The following ISLR variants were observed in gnomAD, a reference collection of about 807,000 sequenced individuals.
ISLR encodes immunoglobulin superfamily containing leucine-rich repeat protein.
ISLR carries 9 observed loss-of-function variants against 11.0 expected under a neutral mutation model. The observed-to-expected ratio is 0.82, with a 90% CI of 0.49 to 1.43. The LOEUF (loss-of-function observed/expected upper bound fraction) is 1.43. Among genes scored for constraint, ISLR ranks in the 40% most tolerant of loss-of-function variants. The pLI is 0.00. For missense variants in ISLR, 510 were observed against 576.4 expected, an observed-to-expected ratio of 0.88 and a Z score of 1.18; for synonymous variants, 262 against 264.1, an observed-to-expected ratio of 0.99 and a Z score of 0.08.
In ISLR at chr15:74,175,627, T is replaced by C; in HGVS notation, c.769T>C (p.Cys257Arg). ...GCCTGGTTTTGTGCTGGCACTGCACTGTGATGTGGACGGGCAGCCGGCCCC... is the reference window on the plus strand; with the variant it reads ...GCCTGGTTTTGTGCTGGCACTGCACCGTGATGTGGACGGGCAGCCGGCCCC... Reference protein sequence around the residue: ...LRPGFVLALHCDVDGQPAPQL... With the variant: ...LRPGFVLALHRDVDGQPAPQL... Residue 257 changes from cysteine to arginine, a missense_variant, in exon 2 of 2, where the codon TGT (cysteine) becomes CGT (arginine). By Grantham distance (180) the Cys-to-Arg change is radical. Transcript: ENST00000249842. This position sits in a 1 kb window ranked among gnomAD's most constrained non-coding sequence, Gnocchi z 4.7. 2 of 1,614,060 alleles carry C rather than the reference T, an allele frequency of 1.2e-6. No homozygotes were observed. The highest frequency in any genetic ancestry group is 1.7e-6 in the Non-Finnish European group (2 of 1,180,032).
rs1304170567 is a variant in ISLR, at chr15:74,175,983, G to T, written c.1125G>T (p.Glu375Asp). ...EGKGCYTVDNEVQPSGPEDNV... is the reference protein window; with the variant it reads ...EGKGCYTVDNDVQPSGPEDNV... ...AGGGCTGCTATACGGTTGACAACGA[G>T]GTGCAGCCATCAGGGCCGGAGGACA... The change falls in exon 2 of 2, where the codon GAG becomes GAT. Residue 375 changes from glutamate (E) to aspartate (D), a missense_variant. Physicochemically the swap from Glu to Asp is conservative, Grantham distance 45 (BLOSUM62 2). Coordinates refer to ENST00000249842, the MANE Select transcript of ISLR (RefSeq NM_005545.4). This position sits in a 1 kb window ranked among gnomAD's most constrained non-coding sequence, Gnocchi z 4.7. 62 of 1,612,018 alleles carry T rather than the reference G, an allele frequency of 3.8e-5. No individual in the cohort carries two copies. Among genetic ancestry groups the T allele is most frequent in the Non-Finnish European group, 5.3e-5 (62 of 1,178,624 alleles).
rs2072787931 is a variant in ISLR, at chr15:74,175,739, G to A, written c.881G>A (p.Gly294Asp). 1.9e-6 allele frequency: 3 copies of A among 1,613,882 alleles called. No homozygotes were observed. The highest frequency in any genetic ancestry group is 2.2e-5 in the East Asian group (1 of 44,864). ...NVGTDGRALP[G>D]TPVASSQPRF... ...GGCACTGATGGGCGTGCCCTGCCTG[G>A]CACCCCTGTGGCCAGCTCCCAGCCG... Residue 294 changes from glycine (G) to aspartate (D), a missense_variant, in exon 2 of 2, where the codon GGC (glycine) becomes GAC (aspartate). Physicochemically the swap from Gly to Asp is moderately conservative, Grantham distance 94 (BLOSUM62 -1). Coordinates refer to ENST00000249842, the MANE Select transcript of ISLR (RefSeq NM_005545.4). The surrounding 1 kb of genome is among the most constrained non-coding windows in gnomAD (Gnocchi z 4.7).
rs755933437 is a variant in ISLR, at chr15:74,175,436, C to A, written c.578C>A (p.Thr193Lys). ...DCTCGIVWLK[T>K]WALTTAVSIP... ...ACCTGCGGCATCGTGTGGCTCAAGACATGGGCCCTGACCACGGCCGTGTCC... is the reference window on the plus strand; with the variant it reads ...ACCTGCGGCATCGTGTGGCTCAAGAAATGGGCCCTGACCACGGCCGTGTCC... The change falls in exon 2 of 2, where the codon ACA becomes AAA. Residue 193 changes from threonine to lysine, a missense_variant. Coordinates refer to ENST00000249842, the MANE Select transcript of ISLR (RefSeq NM_005545.4). This position sits in a 1 kb window ranked among gnomAD's most constrained non-coding sequence, Gnocchi z 4.7. 2 of 1,612,090 alleles carry A rather than the reference C, an allele frequency of 1.2e-6. No individual in the cohort carries two copies. The highest frequency in any genetic ancestry group is 1.1e-5 in the South Asian group (1 of 91,086).
Position 74,174,907 on chromosome 15 carries a change from C to A in ISLR, c.49C>A (p.Gln17Lys). The A allele has an allele frequency of 6.4e-7, 1 of 1,564,266 alleles. No individual in the cohort carries two copies. The highest frequency in any genetic ancestry group is 1.2e-5 in the South Asian group (1 of 81,420). Residue 17 changes from glutamine to lysine, a missense_variant, in exon 2 of 2, where the codon CAG becomes AAG. Gln to Lys is a moderately conservative substitution (Grantham distance 53). Transcript: ENST00000249842. Reference sequence around the variant, plus strand: ...GTGGGCGCTTCTCCTGGGCCTGGCTCAGGCCTGCCCTGAGCCCTGCGACTG... The same window carrying A: ...GTGGGCGCTTCTCCTGGGCCTGGCTAAGGCCTGCCCTGAGCCCTGCGACTG... Reference protein sequence around the residue: ...LWWALLLGLAQACPEPCDCGE... With the variant: ...LWWALLLGLAKACPEPCDCGE...
In ISLR at chr15:74,175,039, C is replaced by T. The variant is rs1179838262; in HGVS notation, c.181C>T (p.Arg61Trp). ...NVTTLSLSAN[R>W]LPGLPEGAFR... ...GACTACACTGAGCCTGTCAGCCAAC[C>T]GGCTGCCAGGCTTGCCGGAGGGTGC... The change falls in exon 2 of 2, where the codon CGG becomes TGG. Residue 61 changes from arginine (R) to tryptophan (W), a missense_variant. Arg to Trp is a moderately radical substitution (Grantham distance 101, BLOSUM62 -3). Transcript: ENST00000249842. The surrounding 1 kb of genome is among the most constrained non-coding windows in gnomAD (Gnocchi z 4.7). The T allele has an allele frequency of 6.2e-6, 10 of 1,610,600 alleles. No homozygotes were observed. Among genetic ancestry groups the T allele is most frequent in the Admixed American group, 1.7e-5 (1 of 59,362 alleles).
Position 74,175,540 on chromosome 15 carries a change from C to T in ISLR, c.682C>T (p.Pro228Ser). The T allele has an allele frequency of 6.2e-7, 1 of 1,611,304 alleles. No homozygotes were observed. The highest frequency in any genetic ancestry group is 8.5e-7 in the Non-Finnish European group (1 of 1,179,184). ...GCCGCTGAGCCGCCTGCCGCCACTG[C>T]CATGCTCGGCGCCCTCAGTGCAGCT... ...GTPLSRLPPL[P>S]CSAPSVQLSY... is the part of the protein sequence containing the mutation. The change falls in exon 2 of 2, where the codon CCA becomes TCA. Residue 228 changes from proline to serine, a missense_variant. Transcript: ENST00000249842. The surrounding 1 kb of genome is among the most constrained non-coding windows in gnomAD (Gnocchi z 4.7).
At position 74,176,107 on chromosome 15, in the gene ISLR, C is replaced by G; in HGVS notation, c.1249C>G (p.Gln417Glu). 6.3e-7 allele frequency: 1 copy of G among 1,576,464 alleles called. No individual in the cohort carries two copies. The highest frequency in any genetic ancestry group is 8.6e-7 in the Non-Finnish European group (1 of 1,160,950). The change falls in exon 2 of 2, where the codon CAA (glutamine) becomes GAA (glutamate). Residue 417 changes from glutamine (Q) to glutamate (E), a missense_variant. Physicochemically the swap from Gln to Glu is conservative, Grantham distance 29. Transcript: ENST00000249842. ...GCCCCCAGGCCTGCTCCTGCTGGGCCAAAGCCTCCTCCTCTTCTTCTTCCT... is the reference window on the plus strand; with the variant it reads ...GCCCCCAGGCCTGCTCCTGCTGGGCGAAAGCCTCCTCCTCTTCTTCTTCCT... Reference protein sequence around the residue: ...QLPPGLLLLGQSLLLFFFLTS... With the variant: ...QLPPGLLLLGESLLLFFFLTS...
chr15:74,174,566 G>A, intron 1 of ISLR: 1 of 363,652 alleles, frequency 2.7e-6, no homozygotes, highest in Non-Finnish European at 5.0e-6. Context: ...GCTAGGAACA[G>A]GCCGAGGCAG....
rs1334386235 is a variant in ISLR at position 74,175,861 on chromosome 15, A to C, written c.1003A>C (p.Ser335Arg). 2 of 1,614,062 alleles carry C rather than the reference A, an allele frequency of 1.2e-6. No homozygotes were observed. ...YSCLATNELG[S>R]AESSVDVALA... ...CTGCCTGGCCACCAATGAGCTGGGC[A>C]GTGCTGAGAGCTCAGTGGACGTGGC... is the stretch of plus-strand genomic sequence containing the variant. The change falls in exon 2 of 2, where the codon AGT becomes CGT. Residue 335 changes from serine to arginine, a missense_variant. Coordinates refer to ENST00000249842, the MANE Select transcript of ISLR (RefSeq NM_005545.4). This position sits in a 1 kb window ranked among gnomAD's most constrained non-coding sequence, Gnocchi z 4.7.
chr15:74,174,125 G>A (rs1385650), intron 1 of ISLR, 106 bp downstream of exon 1: 95,250 of 152,264 alleles, frequency 0.63, 30,622 homozygotes, highest in Middle Eastern at 0.83. Flanking sequence ...TCTGAGGTGC[G>A]TGGGACAATC....
In ISLR at chr15:74,175,086, G is replaced by A; in HGVS notation, c.228G>A (p.Leu76=). 6.2e-7 allele frequency: 1 copy of A among 1,611,888 alleles called. No individual in the cohort carries two copies. The highest frequency in any genetic ancestry group is 1.7e-4 in the Middle Eastern group (1 of 6,058). ...GTGCCTTCAGGGAGGTGCCCCTGCTGCAGTCGCTGTGGCTGGCACACAATG... is the reference window on the plus strand; with the variant it reads ...GTGCCTTCAGGGAGGTGCCCCTGCTACAGTCGCTGTGGCTGGCACACAATG... The part of the protein sequence containing the change: ...PEGAFREVPL[L]QSLWLAHNEI... Residue 76 remains leucine, a synonymous_variant, in exon 2 of 2, where the codon CTG becomes CTA. Transcript: ENST00000249842. The surrounding 1 kb of genome is among the most constrained non-coding windows in gnomAD (Gnocchi z 4.7).
chr15:74,174,593 G>A (rs962195309), intron 1 of ISLR: 19 of 406,228 alleles, frequency 4.7e-5, no homozygotes, highest in Non-Finnish European at 6.6e-5. Flanking sequence ...CTCTCCACTC[G>A]GAGGAGGAGC....
At position 74,176,158 on chromosome 15, in the gene ISLR, C is replaced by A; in HGVS notation, c.*13C>A. The A allele has an allele frequency of 6.5e-7, 1 of 1,530,782 alleles. No individual in the cohort carries two copies. Among genetic ancestry groups the A allele is most frequent in the Non-Finnish European group, 8.8e-7 (1 of 1,139,432 alleles). The allele number at this position is 1,530,782 out of a possible 1,614,324, so 94.8% of individuals were successfully genotyped here. On this transcript the variant is annotated 3_prime_UTR_variant, in exon 2 of 2. Transcript: ENST00000249842. ...CACCTCCTTCTAGCCCCACCCAGGGCTTCCCTAACTCCTCCCCTTGCCCCT... is the reference window on the plus strand; with the variant it reads ...CACCTCCTTCTAGCCCCACCCAGGGATTCCCTAACTCCTCCCCTTGCCCCT...
At chr15:74,174,568 C>A (rs149997170) in intron 1 of ISLR, 533 of 365,100 alleles carry the variant, frequency 1.5e-3, no homozygotes, top group Non-Finnish European at 2.1e-3. Flanking sequence ...TAGGAACAGG[C>A]CGAGGCAGGG....
chr15:74,175,744 CCT>C lies in ISLR; in HGVS notation c.887_888del (p.Pro296ArgfsTer36), dbSNP rs770335860. 35 of 1,613,826 alleles carry C rather than the reference CCT, an allele frequency of 2.2e-5. No individual in the cohort carries two copies. Among genetic ancestry groups the C allele is most frequent in the African/African-American group, 2.7e-5 (2 of 74,960 alleles). On this transcript the variant is annotated frameshift_variant, in exon 2 of 2. Coordinates refer to ENST00000249842, the MANE Select transcript of ISLR (RefSeq NM_005545.4). LOFTEE classifies it high-confidence loss of function. This position sits in a 1 kb window ranked among gnomAD's most constrained non-coding sequence, Gnocchi z 4.7. ...GTDGRALPGT[P>X]VASSQPRFQA... is the part of the protein sequence containing the mutation. ...TGATGGGCGTGCCCTGCCTGGCACC[CCT>C]GTGGCCAGCTCCCAGCCGCGCTTCC... is the stretch of plus-strand genomic sequence containing the variant.
At position 74,175,989 on chromosome 15, in the gene ISLR, G is replaced by A. The variant is rs1026910676; in HGVS notation, c.1131G>A (p.Gln377=). ...KGCYTVDNEV[Q]PSGPEDNVVI... The stretch of plus-strand genomic sequence containing the variant: ...GCTATACGGTTGACAACGAGGTGCA[G>A]CCATCAGGGCCGGAGGACAATGTGG... The change falls in exon 2 of 2, where the codon CAG becomes CAA. Residue 377 remains glutamine, a synonymous_variant. Transcript: ENST00000249842. The surrounding 1 kb of genome is among the most constrained non-coding windows in gnomAD (Gnocchi z 4.7). The A allele has an allele frequency of 2.2e-5, 35 of 1,612,112 alleles. No homozygotes were observed. The highest frequency in any genetic ancestry group is 1.6e-4 in the Middle Eastern group (1 of 6,080).
Position 74,173,767 on chromosome 15 carries a change from G to A in ISLR, c.-261G>A, listed in dbSNP as rs1330485574. 1 of 154,458 alleles carries A rather than the reference G, an allele frequency of 6.5e-6. No individual in the cohort carries two copies. Among genetic ancestry groups the A allele is most frequent in the Non-Finnish European group, 1.5e-5 (1 of 68,256 alleles). 9.6% of individuals were successfully genotyped at this position (154,458 alleles called of 1,614,324 possible). On this transcript the variant is annotated 5_prime_UTR_variant, in exon 1 of 2. Transcript: ENST00000249842. ...AGAGAAGCAGTTGTTTTGCTGGAAGGAGGGAGTGCGCGGGCTGCCCCGGGC... is the reference window on the plus strand; with the variant it reads ...AGAGAAGCAGTTGTTTTGCTGGAAGAAGGGAGTGCGCGGGCTGCCCCGGGC...
rs1430492545 is a variant in ISLR, at chr15:74,174,868, C to T, written c.10C>T (p.Leu4=). 2 of 1,524,410 alleles carry T rather than the reference C, an allele frequency of 1.3e-6. No individual in the cohort carries two copies. Among genetic ancestry groups the T allele is most frequent in the South Asian group, 2.6e-5 (2 of 76,052 alleles). The allele number at this position is 1,524,410 out of a possible 1,614,324, so 94.4% of individuals were successfully genotyped here. A position where few individuals can be genotyped will look rare whatever the true frequency, so the allele number is the denominator to read the frequency against. The change falls in exon 2 of 2, where the codon CTG becomes TTG. Residue 4 remains leucine, a synonymous_variant. Transcript: ENST00000249842. Reference sequence around the variant, plus strand: ...CTCTGCAGGAGGCACCATGCAGGAGCTGCATCTGCTCTGGTGGGCGCTTCT... The same window carrying T: ...CTCTGCAGGAGGCACCATGCAGGAGTTGCATCTGCTCTGGTGGGCGCTTCT... MQE[L]HLLWWALLLG... is the part of the protein sequence containing the mutation.
rs144816616 is a variant in ISLR at position 74,175,416 on chromosome 15, C to T, written c.558C>T (p.Cys186=). The change falls in exon 2 of 2, where the codon TGC becomes TGT. Residue 186 remains cysteine (C), a synonymous_variant. Transcript: ENST00000249842. This position sits in a 1 kb window ranked among gnomAD's most constrained non-coding sequence, Gnocchi z 4.7. ...QINENPFDCT[C]GIVWLKTWAL... ...ACGAGAACCCCTTCGACTGCACCTG[C>T]GGCATCGTGTGGCTCAAGACATGGG... 20 of 1,612,010 alleles carry T rather than the reference C, an allele frequency of 1.2e-5. No individual in the cohort carries two copies. Among genetic ancestry groups the T allele is most frequent in the African/African-American group, 1.1e-4 (8 of 74,946 alleles).
Sources: gnomAD v4.1 joint callset for allele counts on GRCh38, gnomAD v4.1.1 for gene constraint, Gnocchi (gnomAD v3.1) non-coding constraint, MANE v1.5 for transcripts, NCBI Gene and HGNC (gene_info 2026-07-23, HGNC 2026-07-21) for gene names.